The following HSD17B12 variants were observed in gnomAD, a reference collection of about 807,000 sequenced individuals.
HSD17B12 encodes the protein very-long-chain 3-oxoacyl-CoA reductase.
HSD17B12 carries 32 observed loss-of-function variants against 39.3 expected under a neutral mutation model. The ratio of observed to expected loss-of-function variants is 0.81; its 90% CI spans 0.61 to 1.09. The LOEUF (loss-of-function observed/expected upper bound fraction) is 1.09, where lower values mean the gene tolerates loss of function less well. Among genes scored for constraint, HSD17B12 ranks in the 50% least tolerant of loss-of-function variants. The pLI is 0.00. For missense variants in HSD17B12, 342 were observed against 382.9 expected, an observed-to-expected ratio of 0.89 and a Z score of 0.89; for synonymous variants, 150 against 146.7, an observed-to-expected ratio of 1.02 and a Z score of -0.16.
the HSD17B12 span, among the ~76,000 whole-genome samples, chr11:43,582,164 C>A: frequency 6.6e-6 from 1 of 152,136 alleles, no homozygotes; most frequent in African/African-American, 2.4e-5. Flanking sequence ...TTTTTCAAAA[C>A]TAAGTAGCAC....
chr11:43,630,571 G>A, the HSD17B12 span, among the ~76,000 whole-genome samples: 2 of 152,136 alleles, frequency 1.3e-5, no homozygotes, highest in Admixed American at 6.5e-5. Flanking sequence ...GTCCAGCAGT[G>A]AGGTATCTTG....
intron 3 of HSD17B12, among the ~76,000 whole-genome samples, chr11:43,789,607 T>C (rs1239217049): frequency 6.6e-6 from 1 of 152,224 alleles, no homozygotes; most frequent in Non-Finnish European, 1.5e-5. Flanking sequence ...CCTAGAGTAC[T>C]GGGAATTTTG....
the HSD17B12 span, among the ~76,000 whole-genome samples, chr11:43,607,060 G>A: frequency 6.6e-6 from 1 of 152,066 alleles, no homozygotes; most frequent in Admixed American, 6.6e-5. Flanking sequence ...TATGTAAAGT[G>A]CTTAGCTCAG....
At chr11:43,768,267 T>C (rs1263427252) in intron 3 of HSD17B12, among the ~76,000 whole-genome samples, 2 of 152,236 alleles carry the variant, frequency 1.3e-5, no homozygotes. Context: ...GCAGCATGAC[T>C]ATGTTTGAAT....
chr11:43,770,646 G>A (rs942150921), intron 3 of HSD17B12, among the ~76,000 whole-genome samples: 13 of 152,194 alleles, frequency 8.5e-5, no homozygotes, highest in Admixed American at 1.3e-4. Flanking sequence ...TGAGGTGGAG[G>A]ATTGCTTAAG....
chr11:43,610,190 TA>T, the HSD17B12 span, among the ~76,000 whole-genome samples: 1 of 152,198 alleles, frequency 6.6e-6, no homozygotes, highest in Non-Finnish European at 1.5e-5. Flanking sequence ...AAATATAGTT[TA>T]AAAAATGGTA....
chr11:43,836,506 T>C (rs1376055340), intron 7 of HSD17B12, among the ~76,000 whole-genome samples: 1 of 152,136 alleles, frequency 6.6e-6, no homozygotes, highest in Non-Finnish European at 1.5e-5. Context: ...TTCTCTCTCT[T>C]TTCATAGATT....
intron 9 of HSD17B12, among the ~76,000 whole-genome samples, chr11:43,849,658 G>T (rs1159974699): frequency 6.6e-6 from 1 of 152,140 alleles, no homozygotes; most frequent in African/African-American, 2.4e-5. Context: ...TGCAGGCTCA[G>T]CCTCTATCAG....
At chr11:43,690,386 A>ATTTTTTT (rs1565049669) in intron 1 of HSD17B12, among the ~76,000 whole-genome samples, 2 of 10,310 alleles carry the variant, frequency 1.9e-4, no homozygotes, top group Admixed American at 1.3e-3. Context: ...ATATATATAT[A>ATTTTTTT]TATATATATA....
chr11:43,650,030 G>C, the HSD17B12 span, among the ~76,000 whole-genome samples: 12 of 152,156 alleles, frequency 7.9e-5, no homozygotes, highest in Admixed American at 7.9e-4. Flanking sequence ...ACGTAAATCA[G>C]ATAAATTGCC....
At chr11:43,760,865 T>TAA (rs1950550106) in intron 3 of HSD17B12, among the ~76,000 whole-genome samples, 1 of 152,210 alleles carries the variant, frequency 6.6e-6, no homozygotes, top group Non-Finnish European at 1.5e-5. Context: ...GTCATATTTT[T>TAA]AAAACTGCTT....
chr11:43,674,555 C>T, the HSD17B12 span, among the ~76,000 whole-genome samples: 1 of 152,148 alleles, frequency 6.6e-6, no homozygotes, highest in Non-Finnish European at 1.5e-5. Context: ...GGAATGCATA[C>T]CAAAATGAGA....
At chr11:43,767,155 A>ATACAATTTTTTTAT (rs1950602774) in intron 3 of HSD17B12, among the ~76,000 whole-genome samples, 1 of 152,138 alleles carries the variant, frequency 6.6e-6, no homozygotes, top group Non-Finnish European at 1.5e-5. Context: ...TCTTTAAAAC[A>ATACAATTTTTTTAT]GTAAAGGGTC....
intron 1 of HSD17B12, among the ~76,000 whole-genome samples, chr11:43,720,616 G>C (rs183826213): frequency 5.9e-5 from 9 of 152,130 alleles, no homozygotes; most frequent in African/African-American, 2.2e-4. Flanking sequence ...AAAGCAAGTC[G>C]CATATCCAAG....
At chr11:43,603,083 C>A in the HSD17B12 span, among the ~76,000 whole-genome samples, 2 of 152,166 alleles carry the variant, frequency 1.3e-5, no homozygotes, top group African/African-American at 4.8e-5. Flanking sequence ...AATAGTTGCA[C>A]ACATCAAGAC....
intron 4 of HSD17B12, among the ~76,000 whole-genome samples, chr11:43,812,108 A>G (rs1166221493): frequency 6.6e-6 from 1 of 151,922 alleles, no homozygotes; most frequent in Non-Finnish European, 1.5e-5. Flanking sequence ...ATTTTTCTTT[A>G]TCTATTTATT....
At chr11:43,722,143 G>C (rs1950181782) in intron 1 of HSD17B12, among the ~76,000 whole-genome samples, 1 of 152,214 alleles carries the variant, frequency 6.6e-6, no homozygotes, top group African/African-American at 2.4e-5. Context: ...GTCCCATGGG[G>C]AGTTCTGACA....
chr11:43,777,063 G>C (rs962212212), intron 3 of HSD17B12, among the ~76,000 whole-genome samples: 6 of 152,036 alleles, frequency 3.9e-5, no homozygotes, highest in Non-Finnish European at 8.8e-5. Flanking sequence ...TTGTTCTTTT[G>C]GCCTAGGATT....
intron 1 of HSD17B12, 58 bp from the exon 2 acceptor site, chr11:43,750,853 A>C: frequency 7.8e-7 from 1 of 1,284,696 alleles, no homozygotes; most frequent in African/African-American, 1.5e-5. Flanking sequence ...GGTCCTAACT[A>C]TGACCAATTC....
Sources: allele counts gnomAD v4.1 joint callset (sites outside exome capture counted in the v4.1 genomes callset), GRCh38; gene constraint gnomAD v4.1.1; transcripts MANE v1.5; gene names NCBI Gene and HGNC (gene_info 2026-07-23, HGNC 2026-07-21).